Variants in ARHGAP42 observed in about 807,000 individuals in gnomAD.
The protein encoded by ARHGAP42 is rho GTPase-activating protein 42.
A neutral mutation model predicts 125.0 loss-of-function variants in ARHGAP42; 63 were observed. The ratio of observed to expected loss-of-function variants is 0.50; its 90% CI spans 0.41 to 0.62. The LOEUF is 0.62. Ranked by LOEUF, ARHGAP42 falls within the 20% of genes least tolerant of loss-of-function variation. The probability of loss-of-function intolerance (pLI) is 0.00; values close to 1 mark genes in which losing one functional copy is unlikely to be tolerated. For missense variants in ARHGAP42, 766 were observed against 1,024.2 expected (o/e 0.75, Z 3.44); for synonymous variants, 339 against 351.0 (o/e 0.97, Z 0.38).
At chr11:100,987,728 A>T (rs972283295) in intron 23 of ARHGAP42, 136 bp downstream of exon 23, 4 of 781,776 alleles carry the variant, frequency 5.1e-6, no homozygotes, top group Non-Finnish European at 6.2e-6. Flanking sequence ...ACGGGCATGC[A>T]TGAACACATC....
chr11:100,976,108 C>T lies in ARHGAP42; in HGVS notation c.1907C>T (p.Ser636Leu). ...AGCACACCTATGGGGAGCATTGAGT[C>T]ACTCTCTTCTCATTCCTCTGAACAA... ...PDSTPMGSIE[S>L]LSSHSSEQNS... is the part of the protein sequence containing the mutation. The change falls in exon 20 of 24, where the codon TCA (serine) becomes TTA (leucine). Residue 636 changes from serine to leucine, a missense_variant. Physicochemically the swap from Ser to Leu is moderately radical, Grantham distance 145. This residue lies in a region of ARHGAP42 where 308 missense variants were observed against 369.7 expected (regional missense o/e 0.83). Coordinates refer to ENST00000298815, the MANE Select transcript of ARHGAP42 (RefSeq NM_152432.4). 6.5e-7 allele frequency: 1 copy of T among 1,549,518 alleles called. No individual in the cohort carries two copies. Among genetic ancestry groups the T allele is most frequent in the Non-Finnish European group, 8.7e-7 (1 of 1,145,906 alleles).
chr11:100,837,673 T>A (rs796489604), intron 3 of ARHGAP42, among the ~76,000 whole-genome samples: 2,985 of 65,352 alleles, frequency 0.046, 139 homozygotes, highest in African/African-American at 0.086. Context: ...ATCCTTTTTT[T>A]TTTTTTTTTT....
intron 4 of ARHGAP42, among the ~76,000 whole-genome samples, chr11:100,907,536 G>T (rs1454067801): frequency 6.6e-6 from 1 of 152,196 alleles, no homozygotes; most frequent in East Asian, 1.9e-4. Context: ...TGGAGAATGG[G>T]TTGGAGAGAT....
At chr11:100,777,815 C>T (rs762553538) in intron 2 of ARHGAP42, among the ~76,000 whole-genome samples, 7 of 152,104 alleles carry the variant, frequency 4.6e-5, no homozygotes, top group Non-Finnish European at 7.4e-5. Flanking sequence ...AAATTTTCTT[C>T]AGAATTTGGT....
At chr11:100,971,299 A>G (rs1858239009) in intron 17 of ARHGAP42, among the ~76,000 whole-genome samples, 1 of 152,008 alleles carries the variant, frequency 6.6e-6, no homozygotes, top group Non-Finnish European at 1.5e-5. Flanking sequence ...ATGTTCTACC[A>G]TTTCCATAAG....
At chr11:100,785,709 C>T (rs1268394829) in intron 2 of ARHGAP42, among the ~76,000 whole-genome samples, 3 of 152,102 alleles carry the variant, frequency 2.0e-5, no homozygotes, top group Non-Finnish European at 2.9e-5. Flanking sequence ...TAAGTGGTTG[C>T]TTGTCAGCAG....
At chr11:100,697,590 A>G (rs1591112632) in intron 1 of ARHGAP42, among the ~76,000 whole-genome samples, 1 of 152,208 alleles carries the variant, frequency 6.6e-6, no homozygotes, top group East Asian at 1.9e-4. Context: ...GTGTAAATAT[A>G]TACTGGAGCT....
chr11:100,864,187 A>ATT lies in ARHGAP42; in HGVS notation c.384+4576_384+4577dup, dbSNP rs77883167. ...TATAGATAGAGCTCTATGTCTGAGG[A>ATT]TTTTTTTTTTTTTTTGAGACGGAGT... On this transcript the variant is annotated intron_variant, in intron 4 of 23. Coordinates refer to ENST00000298815, the MANE Select transcript of ARHGAP42 (RefSeq NM_152432.4). Among the ~76,000 whole-genome samples, 25 of 141,174 alleles carry ATT rather than the reference A, an allele frequency of 1.8e-4. No individual in the cohort carries two copies. In the East Asian group the frequency reaches 2.7e-3, roughly 15 times the overall value. 92.6% of individuals were successfully genotyped at this position (141,174 alleles called of 152,430 possible). A position where few individuals can be genotyped will look rare whatever the true frequency, so the allele number is the denominator to read the frequency against.
intron 1 of ARHGAP42, among the ~76,000 whole-genome samples, chr11:100,697,336 C>T (rs1861304036): frequency 6.6e-6 from 1 of 152,164 alleles, no homozygotes; most frequent in African/African-American, 2.4e-5. Flanking sequence ...GCGCCCGGCA[C>T]CACGCCCGGC....
chr11:100,793,812 C>T (rs1177812205), intron 2 of ARHGAP42, among the ~76,000 whole-genome samples: 2 of 152,058 alleles, frequency 1.3e-5, no homozygotes, highest in Non-Finnish European at 1.5e-5. Context: ...TGGCTCATGC[C>T]TGTAATCCCA....
chr11:100,840,225 G>A (rs777633909), intron 3 of ARHGAP42, among the ~76,000 whole-genome samples: 31 of 152,058 alleles, frequency 2.0e-4, no homozygotes, highest in Admixed American at 3.3e-4. Flanking sequence ...ACAAAGTAAC[G>A]TCACAAAGCA....
intron 3 of ARHGAP42, among the ~76,000 whole-genome samples, chr11:100,844,818 G>A (rs1388622776): frequency 6.6e-6 from 1 of 152,040 alleles, no homozygotes; most frequent in Non-Finnish European, 1.5e-5. Context: ...CAGTGAACAG[G>A]GAACACTTCT....
In ARHGAP42 at chr11:100,993,219, A is replaced by C. The variant is rs1858887952; in HGVS notation, c.*4418A>C. 1 of 167,446 alleles carries C rather than the reference A, an allele frequency of 6.0e-6. No homozygotes were observed. Among genetic ancestry groups the C allele is most frequent in the Admixed American group, 6.5e-5 (1 of 15,320 alleles). 10.4% of individuals were successfully genotyped at this position (167,446 alleles called of 1,614,324 possible). ...TTGCATCCAGAGTTGACAACAACTC[A>C]ATTTTGCCTTGAATTTACTCAGTCT... On this transcript the variant is annotated 3_prime_UTR_variant, in exon 24 of 24. Coordinates refer to ENST00000298815, the MANE Select transcript of ARHGAP42 (RefSeq NM_152432.4).
At chr11:100,733,938 T>G (rs1457245012) in intron 1 of ARHGAP42, among the ~76,000 whole-genome samples, 1 of 149,068 alleles carries the variant, frequency 6.7e-6, no homozygotes, top group Admixed American at 6.7e-5. Flanking sequence ...TTGTTTTTTT[T>G]TTTTTTTTTT....
intron 1 of ARHGAP42, among the ~76,000 whole-genome samples, chr11:100,694,673 C>T (rs1861244478): frequency 6.6e-6 from 1 of 152,208 alleles, no homozygotes; most frequent in South Asian, 2.1e-4. Flanking sequence ...AGTATAGCTC[C>T]AGTGGTTCAG....
chr11:100,803,638 G>A (rs1186784173), intron 3 of ARHGAP42, among the ~76,000 whole-genome samples: 1 of 152,200 alleles, frequency 6.6e-6, no homozygotes, highest in African/African-American at 2.4e-5. Context: ...AGTGGCTGCA[G>A]CATTCCTTAG....
At chr11:100,694,453 C>T (rs893658726) in intron 1 of ARHGAP42, among the ~76,000 whole-genome samples, 1 of 152,124 alleles carries the variant, frequency 6.6e-6, no homozygotes, top group Non-Finnish European at 1.5e-5. Context: ...TTCATGAATG[C>T]TGATTTCTTG....
At chr11:100,734,092 G>A (rs1202107054) in intron 1 of ARHGAP42, among the ~76,000 whole-genome samples, 1 of 150,600 alleles carries the variant, frequency 6.6e-6, no homozygotes, top group African/African-American at 2.4e-5. Context: ...CCACCAGCAT[G>A]CCCAGCTAAT....
chr11:100,929,340 G>A lies in ARHGAP42; in HGVS notation c.598-3816G>A, dbSNP rs1178553721. 2.6e-5 allele frequency among the ~76,000 whole-genome samples: 4 copies of A among 152,266 alleles called. No individual in the cohort carries two copies. In the South Asian group the frequency reaches 6.2e-4, roughly 24 times the overall value. On this transcript the variant is annotated intron_variant, in intron 6 of 23. Coordinates refer to ENST00000298815, the MANE Select transcript of ARHGAP42 (RefSeq NM_152432.4). Reference sequence around the variant, plus strand: ...CTGCCATGCAGTTGGGTTCCTAACCGGCCACAAATGACCTTTACTGGCCTG... The same window carrying A: ...CTGCCATGCAGTTGGGTTCCTAACCAGCCACAAATGACCTTTACTGGCCTG...
Sources: allele counts gnomAD v4.1 joint callset (sites outside exome capture counted in the v4.1 genomes callset), GRCh38; gene constraint gnomAD v4.1.1; regional missense constraint gnomAD v4.1.1; transcripts MANE v1.5; gene names NCBI Gene and HGNC (gene_info 2026-07-23, HGNC 2026-07-21).